ZNF705G: variants seen among roughly 807,000 people sequenced by gnomAD.
ZNF705G encodes zinc finger protein 705G.
Under a neutral mutation model 19.6 loss-of-function variants are expected in ZNF705G, and 23 were observed. That is an observed-to-expected ratio of 1.17 (90% CI 0.84 to 1.66). The LOEUF is 1.66. Among genes scored for constraint, ZNF705G ranks in the 40% most tolerant of loss-of-function variants. The pLI, the probability that ZNF705G is intolerant of heterozygous loss-of-function variation, is 0.00. For synonymous variants in ZNF705G, 146 were observed against 117.7 expected (o/e 1.24, Z -1.56); for missense variants, 457 against 354.4 (o/e 1.29, Z -2.32).
At chr8:7,378,856 A>G (rs1807358224) in intron 2 of ZNF705G, among the ~76,000 whole-genome samples, 2 of 146,952 alleles carry the variant, frequency 1.4e-5, no homozygotes. Flanking sequence ...TTCACAGGAA[A>G]CCTCAATTCC....
intron 2 of ZNF705G, 118 bp from the exon 3 acceptor site, chr8:7,363,135 A>T: frequency 8.0e-7 from 1 of 1,244,636 alleles, no homozygotes; most frequent in Non-Finnish European, 1.1e-6. Flanking sequence ...CAGCCTAACC[A>T]ACAGACACAA....
rs763076381 is a variant in ZNF705G, at chr8:7,358,363, A to T, written c.516T>A (p.Tyr172Ter). 1.9e-6 allele frequency: 3 copies of T among 1,607,580 alleles called. No individual in the cohort carries two copies. Among genetic ancestry groups the T allele is most frequent in the Non-Finnish European group, 2.5e-6 (3 of 1,179,606 alleles). ...AGGCCTTTTCACATAGATTACACTG[A>T]TATGATTTACCTTTAGTATGAATTT... ...HKQIHTKGKS[Y>*]QCNLCEKAYT... Residue 172 changes from tyrosine (Y) to a stop codon, truncating the protein, a stop_gained, in exon 7 of 7, where the codon TAT (tyrosine) becomes TAA (stop). Coordinates refer to ENST00000400156, the MANE Select transcript of ZNF705G (RefSeq NM_001164457.3). LOFTEE classifies it high-confidence loss of function.
intron 2 of ZNF705G, among the ~76,000 whole-genome samples, chr8:7,370,494 G>A (rs1208888167): frequency 2.7e-5 from 4 of 149,102 alleles, no homozygotes; most frequent in Admixed American, 6.6e-5. Context: ...TACTTGTGGT[G>A]GAAATACAAA....
intron 2 of ZNF705G, among the ~76,000 whole-genome samples, chr8:7,365,439 C>T (rs1412351110): frequency 7.1e-6 from 1 of 140,068 alleles, no homozygotes; most frequent in East Asian, 2.1e-4. Flanking sequence ...AGTGCAGTGG[C>T]GCGATCTCGG....
In ZNF705G at chr8:7,367,379, T is replaced by C. The variant is rs1286879436; in HGVS notation, c.-71-4362A>G. ...GGTCTACACCTGTTAACATCAAAAA[T>C]GTGAGTTAAATGCAGACCCCAGGAA... On this transcript the variant is annotated intron_variant, in intron 2 of 6. Coordinates refer to ENST00000400156, the MANE Select transcript of ZNF705G (RefSeq NM_001164457.3). Among the ~76,000 whole-genome samples the C allele has an allele frequency of 2.7e-5, 4 of 149,366 alleles. 1 individual carries two copies. Among genetic ancestry groups the C allele is most frequent in the African/African-American group, 7.7e-5 (3 of 38,778 alleles).
rs571479822 is a variant in ZNF705G, at chr8:7,361,349, G to T, written c.13-113C>A. On this transcript the variant is annotated intron_variant, in intron 3 of 6. Coordinates refer to ENST00000400156, the MANE Select transcript of ZNF705G (RefSeq NM_001164457.3). Reference sequence around the variant, plus strand: ...GGGTATGCAGAATACTCAGTGTTTTGGGTTCCAGCCAGTTCATTCTCAGTA... The same window carrying T: ...GGGTATGCAGAATACTCAGTGTTTTTGGTTCCAGCCAGTTCATTCTCAGTA... 247 of 1,568,412 alleles carry T rather than the reference G, an allele frequency of 1.6e-4. 8 individuals are homozygous for T. The highest frequency in any genetic ancestry group is 6.3e-4 in the South Asian group (54 of 86,200).
intron 2 of ZNF705G, among the ~76,000 whole-genome samples, chr8:7,365,019 C>T (rs192265925): frequency 6.7e-6 from 1 of 149,418 alleles, no homozygotes; most frequent in Non-Finnish European, 1.5e-5. Context: ...TAATTATAAC[C>T]CAAACATGAA....
At position 7,362,290 on chromosome 8, in the gene ZNF705G, G is replaced by A. The variant is rs373131986; in HGVS notation, c.12+645C>T. On this transcript the variant is annotated intron_variant, in intron 3 of 6. Coordinates refer to ENST00000400156, the MANE Select transcript of ZNF705G (RefSeq NM_001164457.3). ...AAGGCAAAAAGGTTAATTACCAAAA[G>A]GTAAAGTGAATGGGGATAAGAATAA... Among the ~76,000 whole-genome samples the A allele has an allele frequency of 6.0e-5, 9 of 149,794 alleles. No individual in the cohort carries two copies. In the East Asian group the frequency reaches 9.6e-4, roughly 16 times the overall value.
At chr8:7,365,832 G>A (rs1363023291) in intron 2 of ZNF705G, among the ~76,000 whole-genome samples, 3 of 149,532 alleles carry the variant, frequency 2.0e-5, no homozygotes, top group Non-Finnish European at 4.4e-5. Context: ...TGCATTATTA[G>A]GTCTTAAGTT....
At chr8:7,366,819 A>G (rs1355130200) in intron 2 of ZNF705G, among the ~76,000 whole-genome samples, 1 of 149,586 alleles carries the variant, frequency 6.7e-6, no homozygotes, top group Non-Finnish European at 1.5e-5. Flanking sequence ...AGTGGTAGCC[A>G]ACATGCCCAA....
intron 3 of ZNF705G, among the ~76,000 whole-genome samples, chr8:7,362,410 T>C (rs919549634): frequency 1.6e-4 from 24 of 149,534 alleles, no homozygotes; most frequent in Non-Finnish European, 2.5e-4. Context: ...ACAGCTCTTG[T>C]CCAAGTCCTA....
At chr8:7,385,073 G>A (rs1410718861) in intron 1 of ZNF705G, among the ~76,000 whole-genome samples, 1 of 147,468 alleles carries the variant, frequency 6.8e-6, no homozygotes, top group Non-Finnish European at 1.5e-5. Context: ...AACTAGTTCT[G>A]TGTGTTTGAC....
rs577924670 is a variant in ZNF705G, at chr8:7,361,137, C to A, written c.112G>T (p.Glu38Ter). 2.1e-5 allele frequency: 34 copies of A among 1,592,934 alleles called. 6 individuals are homozygous for A. In the African/African-American group the frequency reaches 3.7e-4, roughly 17 times the overall value. Reference protein sequence around the residue: ...KRKLYRDVMLENISHLVSLGY... With the variant: ...KRKLYRDVML ...AGGGACACCAGGTGACTGATATTTT[C>A]CAGCATCACATCTCTGTACAGCTTT... The change falls in exon 4 of 7, where the codon GAA (glutamate) becomes TAA (stop). Residue 38 changes from glutamate to a stop codon, truncating the protein, a stop_gained. Transcript: ENST00000400156. LOFTEE classifies it high-confidence loss of function.
At chr8:7,368,115 C>T (rs1231107352) in intron 2 of ZNF705G, among the ~76,000 whole-genome samples, 5 of 149,272 alleles carry the variant, frequency 3.3e-5, no homozygotes, top group Admixed American at 1.3e-4. Flanking sequence ...ATTAATAAAC[C>T]GAATCACCAC....
chr8:7,371,204 G>A (rs1384171283), intron 2 of ZNF705G, among the ~76,000 whole-genome samples: 2 of 120,740 alleles, frequency 1.7e-5, no homozygotes, highest in Non-Finnish European at 3.6e-5. Context: ...ATATGAAATA[G>A]GCCAACCACA....
At chr8:7,360,189 A>G in intron 5 of ZNF705G, 48 bp downstream of exon 5, 4 of 1,578,958 alleles carry the variant, frequency 2.5e-6, no homozygotes, top group South Asian at 2.2e-5. Context: ...GATATTATTC[A>G]TTGACAAAGC....
At chr8:7,360,830 A>G (rs1482180290) in intron 4 of ZNF705G, among the ~76,000 whole-genome samples, 1 of 149,568 alleles carries the variant, frequency 6.7e-6, no homozygotes, top group African/African-American at 2.6e-5. Flanking sequence ...ACATTCATTA[A>G]GTTCCCAGGT....
rs1307395577 is a variant in ZNF705G, at chr8:7,364,416, T to A, written c.-71-1399A>T. Among the ~76,000 whole-genome samples the A allele has an allele frequency of 4.0e-5, 6 of 149,756 alleles. 1 individual carries two copies. The highest frequency in any genetic ancestry group is 2.9e-5 in the Non-Finnish European group (2 of 68,018). ...AATTGTGACATTGTGCTTACAGATG[T>A]ACATATATTTCCTTATTTAACCCTC... On this transcript the variant is annotated intron_variant, in intron 2 of 6. Transcript: ENST00000400156.
chr8:7,356,741 A>C lies in ZNF705G; in HGVS notation c.*1235T>G, dbSNP rs1224536552. 6.7e-6 allele frequency: 1 copy of C among 149,808 alleles called. No homozygotes were observed. Among genetic ancestry groups the C allele is most frequent in the Non-Finnish European group, 1.5e-5 (1 of 68,050 alleles). 9.3% of individuals were successfully genotyped at this position (149,808 alleles called of 1,614,324 possible). A position where few individuals can be genotyped will look rare whatever the true frequency, so the allele number is the denominator to read the frequency against. On this transcript the variant is annotated 3_prime_UTR_variant, in exon 7 of 7. Transcript: ENST00000400156. ...AATCTCACCCAAGGAGTGCAGGTGC[A>C]AATCCATTTGTTAGGGCCGCATAAA...
Sources: allele counts gnomAD v4.1 joint callset (sites outside exome capture counted in the v4.1 genomes callset), GRCh38; gene constraint gnomAD v4.1.1; transcripts MANE v1.5; gene names NCBI Gene and HGNC (gene_info 2026-07-23, HGNC 2026-07-21).